The following NTRK3 variants were observed in gnomAD, a reference collection of about 807,000 sequenced individuals.
The protein encoded by NTRK3 is neurotrophic receptor tyrosine kinase 3.
In NTRK3, 24 loss-of-function variants were observed where a neutral mutation model predicts 91.7. The ratio of observed to expected loss-of-function variants is 0.26; its 90% confidence interval spans 0.19 to 0.37. The LOEUF (loss-of-function observed/expected upper bound fraction) is 0.37. Ranked by LOEUF, NTRK3 falls within the 10% of genes least tolerant of loss-of-function variation. NTRK3 has a pLI of 1.00. For missense variants in NTRK3, 880 were observed against 1,068.9 expected, an observed-to-expected ratio of 0.82 and a Z score of 2.46; for synonymous variants, 483 against 404.0, an observed-to-expected ratio of 1.20 and a Z score of -2.34.
intron 13 of NTRK3, among the ~76,000 whole-genome samples, chr15:88,116,506 G>A (rs560597037): frequency 1.6e-4 from 25 of 152,220 alleles, no homozygotes; most frequent in African/African-American, 5.8e-4. Flanking sequence ...ATAGACCTTT[G>A]AGGTAGGTTC....
At chr15:88,209,788 G>A (rs566028767) in intron 3 of NTRK3, among the ~76,000 whole-genome samples, 16 of 152,338 alleles carry the variant, frequency 1.1e-4, no homozygotes, top group Non-Finnish European at 1.8e-4. Context: ...CTCAAACAGT[G>A]CCTTCCATTG....
chr15:88,202,345 T>C (rs1174206653), intron 3 of NTRK3, among the ~76,000 whole-genome samples: 2 of 152,196 alleles, frequency 1.3e-5, no homozygotes, highest in Non-Finnish European at 2.9e-5. Context: ...CCTTCAATCA[T>C]TCATCTCCAC....
chr15:88,081,017 G>A (rs182522348), intron 13 of NTRK3, among the ~76,000 whole-genome samples: 2 of 152,366 alleles, frequency 1.3e-5, no homozygotes, highest in East Asian at 3.9e-4. Context: ...ACTAAGCGGA[G>A]AGAGGCTGGG....
In NTRK3 at chr15:88,085,031, C is replaced by G. The variant is rs13380078; in HGVS notation, c.1396+41240G>C. Among the ~76,000 whole-genome samples the G allele has an allele frequency of 5.6e-3, 850 of 152,296 alleles. 14 individuals are homozygous for G. The highest frequency in any genetic ancestry group is 0.019 in the African/African-American group (809 of 41,554). On this transcript the variant is annotated intron_variant, in intron 13 of 18. Coordinates refer to ENST00000394480, the Ensembl canonical transcript of NTRK3. Reference sequence around the variant, plus strand: ...GCAAGAAGAGAGTTTAGCATGAATTCTTAGGTTAACCAATTCCCAGGGTCA... The same window carrying G: ...GCAAGAAGAGAGTTTAGCATGAATTGTTAGGTTAACCAATTCCCAGGGTCA...
At chr15:87,917,274 T>A (rs1331872955) in intron 17 of NTRK3, among the ~76,000 whole-genome samples, 1 of 152,174 alleles carries the variant, frequency 6.6e-6, no homozygotes, top group East Asian at 1.9e-4. Context: ...AATCTCTCAC[T>A]GAAAATAGCT....
chr15:88,021,643 A>G (rs918865888), intron 14 of NTRK3, among the ~76,000 whole-genome samples: 8 of 152,180 alleles, frequency 5.3e-5, no homozygotes, highest in Non-Finnish European at 8.8e-5. Flanking sequence ...TTGCAAAACA[A>G]TGAATTAAAG....
intron 14 of NTRK3, among the ~76,000 whole-genome samples, chr15:87,968,526 GA>G (rs199589801): frequency 3.3e-5 from 5 of 149,286 alleles, no homozygotes; most frequent in Admixed American, 6.7e-5. Flanking sequence ...CTTCAAGGTA[GA>G]AAAAAAAACA....
chr15:87,992,955 TACA>T lies in NTRK3; in HGVS notation c.1585+39899_1585+39901del, dbSNP rs547007661. ...ATCTGACTTGTGTGTGTGTGATCTGTACAACAATATGCCACATTATCTTCAGGC... is the reference window on the plus strand; with the variant it reads ...ATCTGACTTGTGTGTGTGTGATCTGTACAATATGCCACATTATCTTCAGGC... On this transcript the variant is annotated intron_variant, in intron 14 of 18. Coordinates refer to ENST00000394480, the Ensembl canonical transcript of NTRK3. Among the ~76,000 whole-genome samples, 9 of 152,356 alleles carry T rather than the reference TACA, an allele frequency of 5.9e-5. No individual in the cohort carries two copies. In the South Asian group the frequency reaches 1.9e-3, roughly 32 times the overall value.
At chr15:87,880,512 G>A (rs2141471275) in intron 17 of NTRK3, 84 bp from the exon 19 acceptor site, 1 of 1,441,582 alleles carries the variant, frequency 6.9e-7, no homozygotes, top group Non-Finnish European at 9.6e-7. Context: ...ACACATAGAT[G>A]CACTCTTGAT....
At chr15:88,015,374 C>T in intron 14 of NTRK3, among the ~76,000 whole-genome samples, 1 of 152,148 alleles carries the variant, frequency 6.6e-6, no homozygotes, top group Non-Finnish European at 1.5e-5. Context: ...TCTCTGGTCA[C>T]TCACCTCCAG....
chr15:88,133,707 T>A (rs998365981), intron 10 of NTRK3, among the ~76,000 whole-genome samples: 1 of 152,194 alleles, frequency 6.6e-6, no homozygotes, highest in African/African-American at 2.4e-5. Context: ...CCAGGACTCA[T>A]CTACCTGCTG....
chr15:88,161,205 A>G (rs538413127), intron 5 of NTRK3, among the ~76,000 whole-genome samples: 35 of 152,314 alleles, frequency 2.3e-4, no homozygotes, highest in African/African-American at 7.7e-4. Context: ...CAACAACCCT[A>G]TGAGAGATAT....
At chr15:88,194,097 T>G (rs4887381) in intron 3 of NTRK3, among the ~76,000 whole-genome samples, 107,920 of 152,158 alleles carry the variant, frequency 0.71, 38,912 homozygotes, top group Non-Finnish European at 0.78. Flanking sequence ...CATTTTACCC[T>G]GTTAACCACT....
At chr15:88,000,291 C>A (rs2076007781) in intron 14 of NTRK3, among the ~76,000 whole-genome samples, 1 of 152,170 alleles carries the variant, frequency 6.6e-6, no homozygotes, top group Non-Finnish European at 1.5e-5. Context: ...GGCCCCAGCC[C>A]CCTCCTCTGA....
intron 13 of NTRK3, among the ~76,000 whole-genome samples, chr15:88,095,454 CA>C (rs2049487777): frequency 6.6e-6 from 1 of 152,120 alleles, no homozygotes; most frequent in Non-Finnish European, 1.5e-5. Context: ...TACAGGGTGT[CA>C]ATGTTGTCAA....
At chr15:87,920,019 C>T (rs893936007) in intron 17 of NTRK3, among the ~76,000 whole-genome samples, 2 of 152,128 alleles carry the variant, frequency 1.3e-5, no homozygotes, top group Non-Finnish European at 2.9e-5. Context: ...GGCAAAACCC[C>T]AAAGAGATCA....
exon 19 of NTRK3, chr15:87,865,966 TCTCAGTCA>T (rs1438908447): frequency 1.7e-5 from 4 of 231,304 alleles, no homozygotes; most frequent in Non-Finnish European, 8.6e-6. Flanking sequence ...CAAAAGCGGC[TCTCAGTCA>T]CTCAGCTCAG....
At chr15:88,187,674 G>T (rs2047052668) in intron 3 of NTRK3, among the ~76,000 whole-genome samples, 1 of 152,020 alleles carries the variant, frequency 6.6e-6, no homozygotes, top group Non-Finnish European at 1.5e-5. Context: ...AATCAATACT[G>T]CCTGCAAAAC....
intron 16 of NTRK3, among the ~76,000 whole-genome samples, chr15:87,930,376 CCTGGTGTACAGCAAGGCCT>C (rs1479079091): frequency 1.3e-4 from 20 of 152,212 alleles, no homozygotes; most frequent in Non-Finnish European, 1.5e-5. Context: ...ACCAAGGAGC[CCTGGTGTACAGCAAGGCCT>C]CTGCCTGCTT....
Sources: gnomAD v4.1 joint callset for allele counts (sites outside exome capture counted in the v4.1 genomes callset) on GRCh38, gnomAD v4.1.1 for gene constraint, MANE v1.5 for transcripts, NCBI Gene and HGNC (gene_info 2026-07-23, HGNC 2026-07-21) for gene names.